Variants in TIMP3 observed in about 807,000 individuals in gnomAD.
The protein encoded by TIMP3 is metalloproteinase inhibitor 3.
Under a neutral mutation model 30.0 loss-of-function variants are expected in TIMP3, and 11 were observed. The observed-to-expected ratio is 0.37, with a 90% CI of 0.23 to 0.61. The LOEUF (loss-of-function observed/expected upper bound fraction) is 0.61. TIMP3 is among the 20% of genes least tolerant of loss of function. The pLI, the probability that TIMP3 is intolerant of heterozygous loss-of-function variation, is 0.70. For synonymous variants in TIMP3, 112 were observed against 111.3 expected (o/e 1.01, Z -0.04); for missense variants, 181 against 276.8 (o/e 0.65, Z 2.45).
chr22:32,805,041 G>A (rs1026020791), intron 1 of TIMP3, among the ~76,000 whole-genome samples: 2 of 151,998 alleles, frequency 1.3e-5, no homozygotes, highest in African/African-American at 4.8e-5. Flanking sequence ...GTGTGTGTGT[G>A]CGCGTGTGTG....
At chr22:32,833,313 G>C (rs954425433) in intron 1 of TIMP3, among the ~76,000 whole-genome samples, 4 of 152,194 alleles carry the variant, frequency 2.6e-5, no homozygotes, top group Non-Finnish European at 4.4e-5. Context: ...TTATCCTGGA[G>C]ATGATTTGGG....
rs2048468500 is a variant in TIMP3 at position 32,859,283 on chromosome 22, A to G, written c.542A>G (p.His181Arg). ...NFGYPGYQSK[H>R]YACIRQKGGY... ...GGTTACCCTGGCTACCAGTCCAAAC[A>G]CTACGCCTGCATCCGGCAGAAGGGC... The change falls in exon 5 of 5, where the codon CAC (histidine) becomes CGC (arginine). Residue 181 changes from histidine to arginine, a missense_variant. Physicochemically the swap from His to Arg is conservative, Grantham distance 29 (BLOSUM62 0). Transcript: ENST00000266085. 6.2e-7 allele frequency: 1 copy of G among 1,614,164 alleles called. No individual in the cohort carries two copies.
At chr22:32,858,486 A>G (rs1199897877) in intron 4 of TIMP3, among the ~76,000 whole-genome samples, 2 of 152,118 alleles carry the variant, frequency 1.3e-5, no homozygotes, top group African/African-American at 2.4e-5. Context: ...AGTGGTTTCA[A>G]GTGGGCTCAC....
chr22:32,829,510 C>T (rs1335119173), intron 1 of TIMP3, among the ~76,000 whole-genome samples: 1 of 152,222 alleles, frequency 6.6e-6, no homozygotes, highest in Non-Finnish European at 1.5e-5. Flanking sequence ...GCCAGATGCT[C>T]CATCTAGCCA....
intron 1 of TIMP3, among the ~76,000 whole-genome samples, chr22:32,834,405 A>G (rs1252166655): frequency 1.3e-5 from 2 of 151,916 alleles, no homozygotes; most frequent in Non-Finnish European, 2.9e-5. Context: ...TCAGGTGATC[A>G]GCCTGCCTTG....
intron 1 of TIMP3, among the ~76,000 whole-genome samples, chr22:32,817,802 T>C (rs1377745844): frequency 2.0e-5 from 3 of 152,182 alleles, no homozygotes; most frequent in Non-Finnish European, 4.4e-5. Context: ...ATGTTTCTGA[T>C]TGAAGGTCCA....
intron 2 of TIMP3, 101 bp from the exon 3 acceptor site, chr22:32,857,148 C>T (rs373795734): frequency 4.2e-5 from 38 of 901,012 alleles, no homozygotes; most frequent in African/African-American, 1.5e-4. Flanking sequence ...TTCCATATTC[C>T]GATTTCCTTT....
intron 1 of TIMP3, among the ~76,000 whole-genome samples, chr22:32,838,793 A>G (rs934014609): frequency 1.3e-5 from 2 of 151,746 alleles, no homozygotes; most frequent in Non-Finnish European, 2.9e-5. Flanking sequence ...GTTCCCTCCC[A>G]CAGCCTCATT....
chr22:32,807,399 A>ATT (rs35759234), intron 1 of TIMP3, among the ~76,000 whole-genome samples: 4 of 118,362 alleles, frequency 3.4e-5, no homozygotes, highest in South Asian at 2.3e-4. Flanking sequence ...TATATAATAT[A>ATT]TATATATTAT....
At chr22:32,807,194 T>C (rs1260182691) in intron 1 of TIMP3, among the ~76,000 whole-genome samples, 1 of 149,244 alleles carries the variant, frequency 6.7e-6, no homozygotes, top group Non-Finnish European at 1.5e-5. Flanking sequence ...GGGAAGAGTC[T>C]TGGAACCTTG....
At chr22:32,805,619 AC>A (rs1569238262) in intron 1 of TIMP3, among the ~76,000 whole-genome samples, 2 of 144,638 alleles carry the variant, frequency 1.4e-5, no homozygotes, top group Admixed American at 6.9e-5. Flanking sequence ...CATCTCTTTC[AC>A]CCCCTCCCCC....
At chr22:32,833,835 G>A in intron 1 of TIMP3, 1 of 501,972 alleles carries the variant, frequency 2.0e-6, no homozygotes, top group Non-Finnish European at 4.0e-6. Context: ...TCCACGGAAA[G>A]CATTTAGCAC....
intron 1 of TIMP3, among the ~76,000 whole-genome samples, chr22:32,840,102 G>A (rs142749332): frequency 6.6e-6 from 1 of 152,088 alleles, no homozygotes; most frequent in Non-Finnish European, 1.5e-5. Flanking sequence ...GGGCAGGGAG[G>A]TTTTCATATC....
At chr22:32,833,427 T>C (rs1488726453) in intron 1 of TIMP3, among the ~76,000 whole-genome samples, 1 of 152,192 alleles carries the variant, frequency 6.6e-6, no homozygotes, top group Non-Finnish European at 1.5e-5. Flanking sequence ...AATTTTTTTA[T>C]AGTCAAAAAA....
At chr22:32,803,748 G>A (rs998531728) in intron 1 of TIMP3, among the ~76,000 whole-genome samples, 35 of 152,180 alleles carry the variant, frequency 2.3e-4, no homozygotes, top group Admixed American at 1.9e-3. Context: ...GATCACACAC[G>A]TGCGGCCAGG....
chr22:32,836,940 T>C lies in TIMP3; in HGVS notation c.122-12512T>C, dbSNP rs559199222. Among the ~76,000 whole-genome samples, 68 of 152,334 alleles carry C rather than the reference T, an allele frequency of 4.5e-4. 1 individual carries two copies. Among genetic ancestry groups the C allele is most frequent in the African/African-American group, 1.6e-3 (66 of 41,592 alleles). ...AAGAAAGTCTCCTGCCCACTCCTGG[T>C]GCATTCTGGGAACAGATTTGCTGTC... On this transcript the variant is annotated intron_variant, in intron 1 of 4. Coordinates refer to ENST00000266085, the MANE Select transcript of TIMP3 (RefSeq NM_000362.5).
At chr22:32,839,018 C>A (rs1166476234) in intron 1 of TIMP3, among the ~76,000 whole-genome samples, 2 of 151,410 alleles carry the variant, frequency 1.3e-5, no homozygotes, top group Non-Finnish European at 2.9e-5. Context: ...AGAAGGCTTC[C>A]TGGAGGAGGT....
chr22:32,826,393 C>T (rs932655812), intron 1 of TIMP3, among the ~76,000 whole-genome samples: 1 of 151,968 alleles, frequency 6.6e-6, no homozygotes. Flanking sequence ...TGTGTCACTG[C>T]ACTATAGCTT....
Position 32,837,558 on chromosome 22 carries a change from C to G in TIMP3, c.122-11894C>G, listed in dbSNP as rs1157750930. On this transcript the variant is annotated intron_variant, in intron 1 of 4. Transcript: ENST00000266085. This position sits in a 1 kb window ranked among gnomAD's most constrained non-coding sequence, Gnocchi z 4.1. ...GCGGGAGACAGAGATGCATGAAATA[C>G]TAACGTTGAAGATTAGAAATGGGAT... 6.6e-6 allele frequency among the ~76,000 whole-genome samples: 1 copy of G among 152,066 alleles called. No homozygotes were observed. The highest frequency in any genetic ancestry group is 1.5e-5 in the Non-Finnish European group (1 of 68,026).
Sources: allele counts gnomAD v4.1 joint callset (sites outside exome capture counted in the v4.1 genomes callset), GRCh38; gene constraint gnomAD v4.1.1; non-coding constraint Gnocchi (gnomAD v3.1); transcripts MANE v1.5; gene names NCBI Gene and HGNC (gene_info 2026-07-23, HGNC 2026-07-21).